NEGR1: variants seen among roughly 807,000 people sequenced by gnomAD.
NEGR1 encodes IgLON family member 4.
A neutral mutation model predicts 40.9 loss-of-function variants in NEGR1; 10 were observed. The observed-to-expected ratio is 0.24, with a 90% CI of 0.15 to 0.42. The LOEUF (loss-of-function observed/expected upper bound fraction) is 0.42, where lower values mean the gene tolerates loss of function less well. Among genes scored for constraint, NEGR1 ranks in the 10% least tolerant of loss-of-function variants. The probability of loss-of-function intolerance (pLI) is 1.00; values close to 1 mark genes in which losing one functional copy is unlikely to be tolerated. For missense variants in NEGR1, 352 were observed against 438.9 expected (o/e 0.80, Z 1.77); for synonymous variants, 185 against 166.8 (o/e 1.11, Z -0.84).
At chr1:71,730,883 T>TGA (rs896950545) in intron 3 of NEGR1, among the ~76,000 whole-genome samples, 1 of 112,678 alleles carries the variant, frequency 8.9e-6, no homozygotes, top group African/African-American at 4.4e-5. Context: ...CATTCGTGTG[T>TGA]GTGTGTGTGT....
At chr1:71,618,717 A>T (rs766819914) in intron 4 of NEGR1, among the ~76,000 whole-genome samples, 1 of 152,110 alleles carries the variant, frequency 6.6e-6, no homozygotes, top group Non-Finnish European at 1.5e-5. Flanking sequence ...ATCCTGAAAA[A>T]ATCTTCTACC....
In NEGR1 at chr1:72,273,264, A is replaced by G. The variant is rs191572052; in HGVS notation, c.176+9055T>C. On this transcript the variant is annotated intron_variant, in intron 1 of 6. Coordinates refer to ENST00000357731, the MANE Select transcript of NEGR1 (RefSeq NM_173808.3). ...ACAATTGAGTTATTCATCCATATTA[A>G]CAGCAAATTCTTTCTACCTCTATAT... Among the ~76,000 whole-genome samples the G allele has an allele frequency of 6.0e-3, 908 of 152,102 alleles. 3 individuals carry two copies. The highest frequency in any genetic ancestry group is 9.7e-3 in the Non-Finnish European group (659 of 67,912).
At chr1:71,622,292 T>A (rs1650635775) in intron 4 of NEGR1, among the ~76,000 whole-genome samples, 1 of 151,924 alleles carries the variant, frequency 6.6e-6, no homozygotes, top group African/African-American at 2.4e-5. Flanking sequence ...ATTGGACAAG[T>A]TTGCAAGTAT....
At chr1:71,876,318 C>T (rs1660428565) in intron 2 of NEGR1, among the ~76,000 whole-genome samples, 1 of 152,004 alleles carries the variant, frequency 6.6e-6, no homozygotes, top group Non-Finnish European at 1.5e-5. Flanking sequence ...CAAGACAAGC[C>T]TAGGCAACAT....
chr1:71,646,418 C>G lies in NEGR1; in HGVS notation c.668-35272G>C, dbSNP rs150850812. On this transcript the variant is annotated intron_variant, in intron 4 of 6. Coordinates refer to ENST00000357731, the MANE Select transcript of NEGR1 (RefSeq NM_173808.3). ...GGCTCTGAATATAACTGACCTGAAC[C>G]CTTGTTACTTAGGAAGTCTGCCAGA... is the stretch of plus-strand genomic sequence containing the variant. Among the ~76,000 whole-genome samples, 3 of 151,640 alleles carry G rather than the reference C, an allele frequency of 2.0e-5. No homozygotes were observed. In the East Asian group the frequency reaches 5.8e-4, roughly 29 times the overall value.
intron 1 of NEGR1, among the ~76,000 whole-genome samples, chr1:72,082,186 A>C (rs1239802376): frequency 1.3e-5 from 2 of 152,106 alleles, no homozygotes; most frequent in Non-Finnish European, 2.9e-5. Context: ...GTTTATTTGA[A>C]CAGCAAGGAC....
At chr1:72,199,182 G>GAGAGAGAA in intron 1 of NEGR1, among the ~76,000 whole-genome samples, 1 of 149,654 alleles carries the variant, frequency 6.7e-6, no homozygotes, top group African/African-American at 2.5e-5. Context: ...GAGAGAGAGA[G>GAGAGAGAA]AGACTACATA....
chr1:71,742,748 T>C (rs1655254441), intron 3 of NEGR1, among the ~76,000 whole-genome samples: 1 of 152,196 alleles, frequency 6.6e-6, no homozygotes, highest in Non-Finnish European at 1.5e-5. Flanking sequence ...AATGAAATTT[T>C]GGACTTTAGA....
intron 6 of NEGR1, among the ~76,000 whole-genome samples, chr1:71,443,210 A>C (rs116423906): frequency 0.012 from 1,788 of 152,308 alleles, 21 homozygotes; most frequent in Non-Finnish European, 0.016. Flanking sequence ...GCTACATAAT[A>C]CATGGGCATA....
rs1263472253 is a variant in NEGR1 at position 71,921,740 on chromosome 1, C to G, written c.409+13339G>C. Reference sequence around the variant, plus strand: ...TATATATATATATATATATAGAATACCATCGCATGGTTCATACATATACAT... The same window carrying G: ...TATATATATATATATATATAGAATAGCATCGCATGGTTCATACATATACAT... On this transcript the variant is annotated intron_variant, in intron 2 of 6. Coordinates refer to ENST00000357731, the MANE Select transcript of NEGR1 (RefSeq NM_173808.3). 2.3e-5 allele frequency among the ~76,000 whole-genome samples: 3 copies of G among 130,476 alleles called. No homozygotes were observed. The East Asian group carries it at 6.5e-4, about 28-fold the overall frequency. The allele number at this position is 130,476 out of a possible 152,430, so 85.6% of individuals were successfully genotyped here. A position where few individuals can be genotyped will look rare whatever the true frequency, so the allele number is the denominator to read the frequency against.
intron 1 of NEGR1, among the ~76,000 whole-genome samples, chr1:72,220,929 T>TTTTG (rs1442224614): frequency 6.6e-6 from 1 of 151,330 alleles, no homozygotes; most frequent in African/African-American, 2.4e-5. Context: ...TTTTTTTTTT[T>TTTTG]TTAATAACAA....
chr1:71,823,746 C>T (rs1227868615), intron 2 of NEGR1, among the ~76,000 whole-genome samples: 1 of 151,998 alleles, frequency 6.6e-6, no homozygotes, highest in Non-Finnish European at 1.5e-5. Context: ...AAAGCCTGTA[C>T]AGATAAAGTG....
intron 4 of NEGR1, among the ~76,000 whole-genome samples, chr1:71,649,505 T>C (rs1651639518): frequency 6.6e-6 from 1 of 152,098 alleles, no homozygotes; most frequent in East Asian, 1.9e-4. Context: ...ATTTAGCTAT[T>C]GAAAATCATG....
At position 72,088,792 on chromosome 1, in the gene NEGR1, CTCTCTT is replaced by C. The variant is rs1488476372; in HGVS notation, c.177-153487_177-153482del. On this transcript the variant is annotated intron_variant, in intron 1 of 6. Transcript: ENST00000357731. ...AACAATGTATAATGTAGTTCTCTCT[CTCTCTT>C]TTTTTTTTTTTTTTTTTTTTTTTTT... 4.5e-4 allele frequency among the ~76,000 whole-genome samples: 56 copies of C among 124,150 alleles called. 1 individual carries two copies. Among genetic ancestry groups the C allele is most frequent in the African/African-American group, 1.0e-3 (32 of 31,828 alleles). The allele number at this position is 124,150 out of a possible 152,430, so 81.4% of individuals were successfully genotyped here.
intron 1 of NEGR1, among the ~76,000 whole-genome samples, chr1:72,122,324 C>T (rs554064177): frequency 2.3e-4 from 35 of 151,978 alleles, no homozygotes; most frequent in Non-Finnish European, 4.3e-4. Context: ...GAAGCTTCAT[C>T]GAGTGTTAAC....
At chr1:72,096,911 T>C (rs1648724013) in intron 1 of NEGR1, among the ~76,000 whole-genome samples, 1 of 152,118 alleles carries the variant, frequency 6.6e-6, no homozygotes, top group South Asian at 2.1e-4. Flanking sequence ...CTCGATCTTC[T>C]GAACTTGTGG....
intron 1 of NEGR1, among the ~76,000 whole-genome samples, chr1:72,271,443 A>G (rs538724754): frequency 6.6e-6 from 1 of 151,814 alleles, no homozygotes; most frequent in South Asian, 2.1e-4. Context: ...CTTAAGTCAG[A>G]GTTTCTAAAA....
intron 2 of NEGR1, among the ~76,000 whole-genome samples, chr1:71,874,077 C>T (rs912919972): frequency 6.6e-6 from 1 of 152,122 alleles, no homozygotes; most frequent in Non-Finnish European, 1.5e-5. Flanking sequence ...CAGCTGTGTT[C>T]AAGTATCCTA....
chr1:71,749,988 CT>C (rs768011020), intron 3 of NEGR1, among the ~76,000 whole-genome samples: 171 of 136,582 alleles, frequency 1.3e-3, no homozygotes, highest in East Asian at 6.0e-3. Flanking sequence ...TTGCTCCTTT[CT>C]TTTTTTTTTT....
Sources: allele counts gnomAD v4.1 joint callset (sites outside exome capture counted in the v4.1 genomes callset), GRCh38; gene constraint gnomAD v4.1.1; transcripts MANE v1.5; gene names NCBI Gene and HGNC (gene_info 2026-07-23, HGNC 2026-07-21).